The following AOAH variants were observed in gnomAD, a reference collection of about 807,000 sequenced individuals.
The protein encoded by AOAH is acyloxyacyl hydrolase (neutrophil).
Under a neutral mutation model 92.2 loss-of-function variants are expected in AOAH, and 64 were observed. That is an observed-to-expected ratio of 0.69 (90% confidence interval 0.57 to 0.86). The LOEUF is 0.86. Ranked by LOEUF, AOAH falls within the 40% of genes least tolerant of loss-of-function variation. The pLI, the probability that AOAH is intolerant of heterozygous loss-of-function variation, is 0.00. For missense variants in AOAH, 656 were observed against 694.6 expected (o/e 0.94, Z 0.62); for synonymous variants, 263 against 254.5 (o/e 1.03, Z -0.32).
rs998373524 is a variant in AOAH at position 36,614,389 on chromosome 7, C to T, written c.846+1991G>A. ...TCCTTCGCTTAGAAAGGGCCCTGCA[C>T]TGGGTTTAATGCTCTGCTGCCCCAC... On this transcript the variant is annotated intron_variant, in intron 11 of 20. Coordinates refer to ENST00000617537, the MANE Select transcript of AOAH (RefSeq NM_001637.4). This position sits in a 1 kb window ranked among gnomAD's most constrained non-coding sequence, Gnocchi z 4.2. Among the ~76,000 whole-genome samples, 18 of 152,204 alleles carry T rather than the reference C, an allele frequency of 1.2e-4. No homozygotes were observed. The highest frequency in any genetic ancestry group is 2.5e-4 in the Non-Finnish European group (17 of 68,050).
At chr7:36,619,929 T>A (rs1792161376) in intron 9 of AOAH, among the ~76,000 whole-genome samples, 2 of 152,098 alleles carry the variant, frequency 1.3e-5, no homozygotes, top group South Asian at 4.2e-4. Context: ...AGTTAGGGAA[T>A]CTTAAGCTTC....
chr7:36,717,727 A>ATTTTTTTTTTTTTTTTTTT (rs10624883), intron 1 of AOAH, among the ~76,000 whole-genome samples: 1 of 122,772 alleles, frequency 8.1e-6, no homozygotes, highest in Non-Finnish European at 1.7e-5. Context: ...TTCTCTTCTT[A>ATTTTTTTTTTTTTTTTTTT]TTTTTTTTTT....
At chr7:36,576,550 A>G in intron 13 of AOAH, 24 bp downstream of exon 13, 11 of 1,379,852 alleles carry the variant, frequency 8.0e-6, no homozygotes, top group Non-Finnish European at 1.1e-5. Context: ...ACATTGATGA[A>G]GGCTTAAATG....
intron 1 of AOAH, among the ~76,000 whole-genome samples, chr7:36,692,845 T>G (rs1797492624): frequency 6.6e-6 from 1 of 152,174 alleles, no homozygotes; most frequent in African/African-American, 2.4e-5. Context: ...GTAAGTATTG[T>G]GATAGAGGAA....
intron 3 of AOAH, among the ~76,000 whole-genome samples, chr7:36,670,577 C>T (rs1398691080): frequency 6.6e-6 from 1 of 152,132 alleles, no homozygotes; most frequent in Non-Finnish European, 1.5e-5. Flanking sequence ...AGGGCTCAAG[C>T]GATTCCCCTG....
intron 10 of AOAH, among the ~76,000 whole-genome samples, chr7:36,618,048 G>A (rs112216314): frequency 0.036 from 5,489 of 152,300 alleles, 113 homozygotes; most frequent in Non-Finnish European, 0.051. Context: ...CAACCTAATC[G>A]TCAAGTAAAA....
At chr7:36,716,811 C>A (rs369421814) in intron 1 of AOAH, among the ~76,000 whole-genome samples, 1 of 151,342 alleles carries the variant, frequency 6.6e-6, no homozygotes, top group Non-Finnish European at 1.5e-5. Flanking sequence ...CATCACACAC[C>A]GGGGCCTGTT....
chr7:36,650,624 A>T (rs561641518), intron 4 of AOAH, among the ~76,000 whole-genome samples: 1 of 152,210 alleles, frequency 6.6e-6, no homozygotes, highest in South Asian at 2.1e-4. Flanking sequence ...GATGAACCCT[A>T]TGTTTATTTC....
chr7:36,520,443 C>T (rs923791106), intron 20 of AOAH, among the ~76,000 whole-genome samples: 10 of 152,212 alleles, frequency 6.6e-5, no homozygotes, highest in African/African-American at 1.7e-4. Context: ...CAGTGGCTCA[C>T]GCCTGTAATC....
chr7:36,531,913 A>G (rs1304860354), intron 18 of AOAH, among the ~76,000 whole-genome samples: 1 of 152,052 alleles, frequency 6.6e-6, no homozygotes, highest in African/African-American at 2.4e-5. Flanking sequence ...TGTACACACG[A>G]GAGAGACAGT....
chr7:36,617,321 G>T (rs1369233578), intron 10 of AOAH, among the ~76,000 whole-genome samples: 1 of 152,114 alleles, frequency 6.6e-6, no homozygotes, highest in African/African-American at 2.4e-5. Flanking sequence ...TTTGCACCAG[G>T]GTTTCACCTA....
chr7:36,527,744 G>T (rs1784477600), intron 19 of AOAH, among the ~76,000 whole-genome samples: 1 of 152,214 alleles, frequency 6.6e-6, no homozygotes. Flanking sequence ...CAGCTATTCT[G>T]TGTCTGAGCT....
In AOAH at chr7:36,519,239, G is replaced by A. The variant is rs141562129; in HGVS notation, c.1599+2800C>T. ...TCCTTAATACGCGGTAGATTTCTCC[G>A]TCTGTCAACTCCACGGTCATACTCT... On this transcript the variant is annotated intron_variant, in intron 20 of 20. Coordinates refer to ENST00000617537, the MANE Select transcript of AOAH (RefSeq NM_001637.4). Among the ~76,000 whole-genome samples the A allele has an allele frequency of 5.3e-3, 800 of 152,236 alleles. 5 individuals carry two copies. The highest frequency in any genetic ancestry group is 0.018 in the African/African-American group (767 of 41,550).
chr7:36,610,112 T>TTTTCTTC (rs1461340227), intron 11 of AOAH, among the ~76,000 whole-genome samples: 3 of 135,290 alleles, frequency 2.2e-5, no homozygotes, highest in Non-Finnish European at 4.7e-5. Context: ...GGTTTTTTTC[T>TTTTCTTC]TTTTTTCTTT....
chr7:36,578,759 A>ATAAC (rs1243891186), intron 12 of AOAH, among the ~76,000 whole-genome samples: 4 of 152,224 alleles, frequency 2.6e-5, no homozygotes, highest in African/African-American at 9.6e-5. Context: ...TGTAGAGTTA[A>ATAAC]TAACTGCCTT....
chr7:36,587,523 A>G (rs1238828798), intron 12 of AOAH, among the ~76,000 whole-genome samples: 1 of 152,176 alleles, frequency 6.6e-6, no homozygotes, highest in Non-Finnish European at 1.5e-5. Context: ...TGCACTTTTA[A>G]TGAATCTTTT....
intron 1 of AOAH, among the ~76,000 whole-genome samples, chr7:36,713,584 C>A (rs1562723563): frequency 6.6e-6 from 1 of 152,162 alleles, no homozygotes; most frequent in Non-Finnish European, 1.5e-5. Flanking sequence ...GGAAGTAAAG[C>A]TCTCCTCAGC....
intron 11 of AOAH, among the ~76,000 whole-genome samples, chr7:36,608,250 C>T (rs1194428463): frequency 1.3e-5 from 2 of 152,236 alleles, no homozygotes; most frequent in African/African-American, 2.4e-5. Flanking sequence ...GGGGGAAGCA[C>T]ACTTACCTTC....
At chr7:36,629,081 T>C (rs1374656468) in intron 6 of AOAH, among the ~76,000 whole-genome samples, 1 of 152,230 alleles carries the variant, frequency 6.6e-6, no homozygotes, top group African/African-American at 2.4e-5. Context: ...CTTATCAATA[T>C]TTTTACTGAA....
Sources: allele counts gnomAD v4.1 joint callset (sites outside exome capture counted in the v4.1 genomes callset), GRCh38; gene constraint gnomAD v4.1.1; non-coding constraint Gnocchi (gnomAD v3.1); transcripts MANE v1.5; gene names NCBI Gene and HGNC (gene_info 2026-07-23, HGNC 2026-07-21).